LRP2BP: variants seen among roughly 807,000 people sequenced by gnomAD.
LRP2BP encodes LRP2 binding protein.
In LRP2BP, 38 loss-of-function variants were observed where a neutral mutation model predicts 45.2. The ratio of observed to expected loss-of-function variants is 0.84; its 90% CI spans 0.65 to 1.10. The LOEUF (loss-of-function observed/expected upper bound fraction) is 1.10. LRP2BP is among the 50% of genes least tolerant of loss of function. LRP2BP has a pLI of 0.00. For synonymous variants in LRP2BP, 153 were observed against 153.9 expected (o/e 0.99, Z 0.04); for missense variants, 385 against 418.9 (o/e 0.92, Z 0.71).
At chr4:185,381,727 G>A (rs1445322519) in intron 1 of LRP2BP, among the ~76,000 whole-genome samples, 1 of 152,168 alleles carries the variant, frequency 6.6e-6, no homozygotes, top group African/African-American at 2.4e-5. Flanking sequence ...AAGAGGGACA[G>A]GAAACTACAG....
chr4:185,378,493 G>A lies in LRP2BP; in HGVS notation c.-21-286C>T, dbSNP rs1425882643. On this transcript the variant is annotated intron_variant, in intron 1 of 8. Transcript: ENST00000505916. ...GGCTATGGGTTTATACATCAAGATG[G>A]GTCAAGTCACCCAGCACAAGTGTTG... The A allele has an allele frequency of 1.5e-5, 17 of 1,119,744 alleles. No individual in the cohort carries two copies. In the Middle Eastern group the frequency reaches 1.6e-3, roughly 103 times the overall value. 69.4% of individuals were successfully genotyped at this position (1,119,744 alleles called of 1,614,324 possible). A position where few individuals can be genotyped will look rare whatever the true frequency, so the allele number is the denominator to read the frequency against.
chr4:185,385,909 G>GGT (rs1554020224), intron 1 of LRP2BP, among the ~76,000 whole-genome samples: 6 of 77,454 alleles, frequency 7.7e-5, no homozygotes, highest in Non-Finnish European at 1.7e-4. Flanking sequence ...TCGGGGAGGG[G>GGT]GGGGGGGAGA....
In LRP2BP at chr4:185,395,583, G is replaced by A. The variant is rs1444421643; in HGVS notation, c.-826C>T. On this transcript the variant is annotated 5_prime_UTR_variant, in exon 1 of 9. Coordinates refer to ENST00000505916, the MANE Select transcript of LRP2BP (RefSeq NM_001377440.1). ...TAAATATTAAAAATGTGGAATATAA[G>A]AACGATTCTATATATTTGAACACAC... is the stretch of plus-strand genomic sequence containing the variant. 1.0e-6 allele frequency: 1 copy of A among 978,850 alleles called. No individual in the cohort carries two copies. Among genetic ancestry groups the A allele is most frequent in the East Asian group, 1.1e-4 (1 of 8,778 alleles). The allele number at this position is 978,850 out of a possible 1,614,324, so 60.6% of individuals were successfully genotyped here.
intron 7 of LRP2BP, among the ~76,000 whole-genome samples, chr4:185,371,644 G>A (rs1006665708): frequency 6.6e-6 from 1 of 151,538 alleles, no homozygotes; most frequent in Non-Finnish European, 1.5e-5. Flanking sequence ...TCAACTCCAT[G>A]TTAACCTCAA....
chr4:185,369,973 A>G (rs1164061428), intron 8 of LRP2BP: 3 of 248,300 alleles, frequency 1.2e-5, no homozygotes, highest in East Asian at 1.2e-4. Context: ...CAAGTCTGCT[A>G]TGATGTAATT....
chr4:185,370,483 T>C (rs751112264), intron 8 of LRP2BP, among the ~76,000 whole-genome samples, 157 bp downstream of exon 8: 1 of 152,214 alleles, frequency 6.6e-6, no homozygotes, highest in African/African-American at 2.4e-5. Context: ...CAGAATTGTC[T>C]GCAAACAATC....
At chr4:185,372,495 A>G (rs1436707251) in intron 7 of LRP2BP, among the ~76,000 whole-genome samples, 1 of 152,252 alleles carries the variant, frequency 6.6e-6, no homozygotes, top group Non-Finnish European at 1.5e-5. Flanking sequence ...GGCATAGAAC[A>G]TGTAGTAGGC....
At chr4:185,375,366 G>A (rs150685826) in intron 4 of LRP2BP, among the ~76,000 whole-genome samples, 1,909 of 140,188 alleles carry the variant, frequency 0.014, 42 homozygotes, top group African/African-American at 0.047. Flanking sequence ...TGAGGCAGAA[G>A]AATCACTCGA....
intron 1 of LRP2BP, among the ~76,000 whole-genome samples, chr4:185,381,976 A>C (rs2095457173): frequency 6.6e-6 from 1 of 152,214 alleles, no homozygotes; most frequent in Non-Finnish European, 1.5e-5. Flanking sequence ...ATGGAATTCC[A>C]AAACCTTTTC....
chr4:185,378,841 C>T (rs1409836287), intron 1 of LRP2BP: 2 of 985,310 alleles, frequency 2.0e-6, no homozygotes, highest in Non-Finnish European at 2.4e-6. Context: ...GTTGTTGCTA[C>T]ACTTTTGTAT....
intron 3 of LRP2BP, 140 bp from the exon 4 acceptor site, chr4:185,375,866 C>T (rs747400275): frequency 2.5e-5 from 12 of 483,880 alleles, no homozygotes; most frequent in South Asian, 1.2e-4. Flanking sequence ...CCATGCCCCA[C>T]GCTGAGGAAG....
intron 1 of LRP2BP, among the ~76,000 whole-genome samples, chr4:185,381,756 G>A (rs2095456582): frequency 6.6e-6 from 1 of 152,166 alleles, no homozygotes. Flanking sequence ...GGGGGCTTCA[G>A]TCTGTTCCTC....
At chr4:185,389,517 A>AGG (rs1287945806) in intron 1 of LRP2BP, among the ~76,000 whole-genome samples, 1 of 152,128 alleles carries the variant, frequency 6.6e-6, no homozygotes, top group African/African-American at 2.4e-5. Context: ...GCCTAAAATA[A>AGG]TAATTAAAAC....
At position 185,374,132 on chromosome 4, in the gene LRP2BP, T is replaced by TA; in HGVS notation, c.579+2dup. ...ACTAGCATTAAAAAAGAGGGAACGT[T>TA]ACCTTTTCTAACTCCTTGGGCTCCT... On this transcript the variant is annotated splice_region_variant and intron_variant, in intron 6 of 8. Coordinates refer to ENST00000505916, the MANE Select transcript of LRP2BP (RefSeq NM_001377440.1). 6.2e-7 allele frequency: 1 copy of TA among 1,611,184 alleles called. No individual in the cohort carries two copies.
chr4:185,393,528 CCTT>C (rs1292423793), intron 1 of LRP2BP, among the ~76,000 whole-genome samples: 2 of 64,382 alleles, frequency 3.1e-5, no homozygotes, highest in African/African-American at 7.4e-5. Flanking sequence ...TTTTTCTTTT[CCTT>C]TTTTTTTTTT....
chr4:185,396,884 T>C (rs1360027407), upstream of LRP2BP: 8 of 1,610,922 alleles, frequency 5.0e-6, no homozygotes, highest in Non-Finnish European at 6.8e-6. Flanking sequence ...CTCACCTCTC[T>C]GCACTTCCAA....
chr4:185,371,350 T>G (rs112861423), intron 7 of LRP2BP, among the ~76,000 whole-genome samples: 4 of 151,890 alleles, frequency 2.6e-5, no homozygotes, highest in Non-Finnish European at 5.9e-5. Context: ...CCATCCTGGC[T>G]AACATGGTGA....
chr4:185,395,618 C>G lies in LRP2BP; in HGVS notation c.-861G>C, dbSNP rs2095499953. On this transcript the variant is annotated 5_prime_UTR_variant, in exon 1 of 9. The change abolishes the stop of an existing upstream ORF in the 5' untranslated region. Coordinates refer to ENST00000505916, the MANE Select transcript of LRP2BP (RefSeq NM_001377440.1). ...ATATATTTGAACACACATTTATATT[C>G]AAATATTCATATGAATAAAAATGCT... The G allele has an allele frequency of 1.0e-6, 1 of 980,954 alleles. No individual in the cohort carries two copies. Among genetic ancestry groups the G allele is most frequent in the African/African-American group, 1.7e-5 (1 of 57,292 alleles). 60.8% of individuals were successfully genotyped at this position (980,954 alleles called of 1,614,324 possible).
At chr4:185,396,888 C>T (rs2095504847), upstream of LRP2BP, 1 of 1,612,038 alleles carries the variant, frequency 6.2e-7, no homozygotes, top group Non-Finnish European at 8.5e-7. Context: ...CCTCTCTGCA[C>T]TTCCAAGGAC....
Sources: gnomAD v4.1 joint callset for allele counts (sites outside exome capture counted in the v4.1 genomes callset) on GRCh38, gnomAD v4.1.1 for gene constraint, MANE v1.5 for transcripts, NCBI Gene and HGNC (gene_info 2026-07-23, HGNC 2026-07-21) for gene names.